Variants in RPS6KA2 observed in about 807,000 individuals in gnomAD.
RPS6KA2 encodes ribosomal protein S6 kinase A2.
A neutral mutation model predicts 91.8 loss-of-function variants in RPS6KA2; 42 were observed. That is an observed-to-expected ratio of 0.46 (90% CI 0.36 to 0.59). The LOEUF is 0.59. Among genes scored for constraint, RPS6KA2 ranks in the 20% least tolerant of loss-of-function variants. The probability of loss-of-function intolerance (pLI) is 0.00; values close to 1 mark genes in which losing one functional copy is unlikely to be tolerated. For synonymous variants in RPS6KA2, 414 were observed against 393.6 expected, an observed-to-expected ratio of 1.05 and a Z score of -0.61; for missense variants, 798 against 978.5, an observed-to-expected ratio of 0.82 and a Z score of 2.46.
At chr6:166,829,533 T>G (rs1780126896) in intron 2 of RPS6KA2, among the ~76,000 whole-genome samples, 1 of 134,394 alleles carries the variant, frequency 7.4e-6, no homozygotes, top group Non-Finnish European at 1.5e-5. Flanking sequence ...GAGCTTGCAG[T>G]GAGCCAAGAT....
chr6:166,773,231 G>A (rs1778523207), intron 2 of RPS6KA2, among the ~76,000 whole-genome samples: 1 of 152,182 alleles, frequency 6.6e-6, no homozygotes, highest in Non-Finnish European at 1.5e-5. Flanking sequence ...GTGCAGGTTG[G>A]AGAAGGAGGC....
At chr6:166,431,458 C>T (rs1779129777) in intron 15 of RPS6KA2, among the ~76,000 whole-genome samples, 1 of 152,312 alleles carries the variant, frequency 6.6e-6, no homozygotes, top group Admixed American at 6.5e-5. Flanking sequence ...CACTGAGTGG[C>T]CAGGCGCTGG....
intron 2 of RPS6KA2, among the ~76,000 whole-genome samples, chr6:166,642,620 C>T (rs1261939135): frequency 6.6e-6 from 1 of 152,068 alleles, no homozygotes; most frequent in South Asian, 2.1e-4. Context: ...CTAAAGTTTC[C>T]AAAGCAATCA....
rs775257141 is a variant in RPS6KA2, at chr6:166,635,304, A to C, written c.124-96520T>G. ...GAGGCTGGGATCTGAGGGGCTGGGC[A>C]CAGCAGGGACTCCTGCCCTGACGGG... is the stretch of plus-strand genomic sequence containing the variant. On this transcript the variant is annotated intron_variant, in intron 2 of 21. Transcript: ENST00000503859. The surrounding 1 kb of genome is among the most constrained non-coding windows in gnomAD (Gnocchi z 4.8). Among the ~76,000 whole-genome samples the C allele has an allele frequency of 7.9e-5, 12 of 152,330 alleles. No individual in the cohort carries two copies. The highest frequency in any genetic ancestry group is 1.6e-4 in the Non-Finnish European group (11 of 68,022).
intron 2 of RPS6KA2, among the ~76,000 whole-genome samples, chr6:166,656,293 C>A (rs1562367227): frequency 6.6e-6 from 1 of 152,042 alleles, no homozygotes; most frequent in East Asian, 1.9e-4. Context: ...AGGGGAGAGG[C>A]AGGGAAGAAG....
At chr6:166,426,873 C>G (rs1778934151) in intron 16 of RPS6KA2, among the ~76,000 whole-genome samples, 1 of 144,406 alleles carries the variant, frequency 6.9e-6, no homozygotes, top group Non-Finnish European at 1.5e-5. Flanking sequence ...ACCAGAGGTA[C>G]AAGGAGGAAC....
rs771923377 is a variant in RPS6KA2 at position 166,612,776 on chromosome 6, A to G, written c.99+14145T>C. Among the ~76,000 whole-genome samples the G allele has an allele frequency of 2.6e-5, 4 of 152,152 alleles. No homozygotes were observed. Among genetic ancestry groups the G allele is most frequent in the Non-Finnish European group, 4.4e-5 (3 of 68,022 alleles). On this transcript the variant is annotated intron_variant, in intron 1 of 20. Transcript: ENST00000265678. This position sits in a 1 kb window ranked among gnomAD's most constrained non-coding sequence, Gnocchi z 4.3. ...CATTTGGATGTTTTCCCAAGTGGCCACTGCCAAATTTACTCCACATCAGCC... is the reference window on the plus strand; with the variant it reads ...CATTTGGATGTTTTCCCAAGTGGCCGCTGCCAAATTTACTCCACATCAGCC...
intron 2 of RPS6KA2, among the ~76,000 whole-genome samples, chr6:166,669,106 C>T (rs1378465392): frequency 6.6e-6 from 1 of 152,030 alleles, no homozygotes; most frequent in Admixed American, 6.6e-5. Flanking sequence ...GTTGCCCAGG[C>T]TGGTCTTGAG....
At position 166,451,179 on chromosome 6, in the gene RPS6KA2, C is replaced by G; in HGVS notation, c.1130G>C (p.Ser377Thr). The change falls in exon 13 of 21, where the codon AGC (serine) becomes ACC (threonine). Residue 377 changes from serine to threonine, a missense_variant. Ser to Thr is a moderately conservative substitution (Grantham distance 58, BLOSUM62 1). Coordinates refer to ENST00000265678, the MANE Select transcript of RPS6KA2 (RefSeq NM_021135.6). ...ANAHHLFRGF[S>T]FVASSLIQEP... ...CTGGATCAGGCTTGAGGCCACAAAG[C>G]TGAATCCTCTAAACAGGTGATGAGC... The G allele has an allele frequency of 3.7e-6, 6 of 1,614,100 alleles. No homozygotes were observed. The highest frequency in any genetic ancestry group is 5.1e-6 in the Non-Finnish European group (6 of 1,180,008).
intron 2 of RPS6KA2, among the ~76,000 whole-genome samples, chr6:166,730,456 A>G (rs913186203): frequency 6.6e-6 from 1 of 152,184 alleles, no homozygotes; most frequent in East Asian, 1.9e-4. Flanking sequence ...TATTCTGATG[A>G]TTATATGAAA....
intron 2 of RPS6KA2, among the ~76,000 whole-genome samples, chr6:166,752,773 C>G (rs1053318184): frequency 6.6e-6 from 1 of 152,200 alleles, no homozygotes; most frequent in Non-Finnish European, 1.5e-5. Flanking sequence ...GCCTCTCCCC[C>G]TGACTCTCCC....
intron 16 of RPS6KA2, among the ~76,000 whole-genome samples, chr6:166,424,861 T>C (rs1295856314): frequency 6.6e-6 from 1 of 152,236 alleles, no homozygotes; most frequent in Non-Finnish European, 1.5e-5. Flanking sequence ...TTTTTTTGGC[T>C]AAAGTTGGTA....
intron 2 of RPS6KA2, among the ~76,000 whole-genome samples, chr6:166,660,404 G>GCA (rs1788132433): frequency 1.3e-5 from 2 of 151,588 alleles, no homozygotes; most frequent in Admixed American, 1.3e-4. Flanking sequence ...GTGCGTGTGT[G>GCA]TGTGTGTGTG....
chr6:166,528,814 G>GA (rs1320511044), intron 3 of RPS6KA2, among the ~76,000 whole-genome samples: 3 of 151,906 alleles, frequency 2.0e-5, no homozygotes, highest in African/African-American at 7.3e-5. Context: ...AAAGACACAT[G>GA]AAAAAATGCT....
chr6:166,793,565 A>C (rs2128615042), intron 2 of RPS6KA2, among the ~76,000 whole-genome samples: 1 of 149,746 alleles, frequency 6.7e-6, no homozygotes, highest in Non-Finnish European at 1.5e-5. Context: ...AAGCCAAAAG[A>C]ACAAAGCTGG....
intron 1 of RPS6KA2, among the ~76,000 whole-genome samples, chr6:166,605,042 G>A (rs1247791888): frequency 2.6e-5 from 4 of 152,094 alleles, no homozygotes; most frequent in African/African-American, 9.7e-5. Context: ...CCCGTTCCAG[G>A]GCTTCACTGC....
intron 10 of RPS6KA2, among the ~76,000 whole-genome samples, chr6:166,473,237 C>A (rs1780839327): frequency 6.6e-6 from 1 of 151,970 alleles, no homozygotes; most frequent in Non-Finnish European, 1.5e-5. Flanking sequence ...GTCGCCCAGG[C>A]TGGTATGCAG....
chr6:166,650,230 T>C (rs995158947), intron 2 of RPS6KA2, among the ~76,000 whole-genome samples: 5 of 151,766 alleles, frequency 3.3e-5, no homozygotes, highest in African/African-American at 9.7e-5. Context: ...GGGAATGAGA[T>C]AAGGCCTCCC....
intron 11 of RPS6KA2, among the ~76,000 whole-genome samples, chr6:166,465,799 C>T (rs575628392): frequency 1.1e-4 from 16 of 152,308 alleles, no homozygotes; most frequent in Non-Finnish European, 1.3e-4. Context: ...AGCTGGAGGA[C>T]GGGGCTCTGC....
Sources: gnomAD v4.1 joint callset for allele counts (sites outside exome capture counted in the v4.1 genomes callset) on GRCh38, gnomAD v4.1.1 for gene constraint, Gnocchi (gnomAD v3.1) non-coding constraint, MANE v1.5 for transcripts, NCBI Gene and HGNC (gene_info 2026-07-23, HGNC 2026-07-21) for gene names.